GML: variants seen among roughly 807,000 people sequenced by gnomAD.
GML encodes glycosylphosphatidylinositol anchored molecule like, also known as glycosyl-phosphatidylinositol-anchored molecule-like protein.
A neutral mutation model predicts 8.2 loss-of-function variants in GML; 5 were observed. That is an observed-to-expected ratio of 0.61 (90% CI 0.32 to 1.28). The LOEUF (loss-of-function observed/expected upper bound fraction) is 1.28. Among genes scored for constraint, GML ranks in the 50% most tolerant of loss-of-function variants. GML has a pLI of 0.06. For missense variants in GML, 191 were observed against 198.3 expected (o/e 0.96, Z 0.22); for synonymous variants, 72 against 69.0 (o/e 1.04, Z -0.22).
At chr8:142,839,052 G>T (rs1311683627) in intron 1 of GML, among the ~76,000 whole-genome samples, 1 of 152,228 alleles carries the variant, frequency 6.6e-6, no homozygotes, top group Non-Finnish European at 1.5e-5. Context: ...GGGCCTCAGT[G>T]TACATGCTCT....
At chr8:142,839,484 G>T (rs1324513874) in intron 1 of GML, among the ~76,000 whole-genome samples, 1 of 152,204 alleles carries the variant, frequency 6.6e-6, no homozygotes, top group African/African-American at 2.4e-5. Context: ...AGCCCCAGCT[G>T]CTCCTGCGGT....
At chr8:142,842,294 G>T (rs1816444618) in intron 3 of GML, among the ~76,000 whole-genome samples, 2 of 152,108 alleles carry the variant, frequency 1.3e-5, no homozygotes, top group African/African-American at 4.8e-5. Context: ...TTTATAAATT[G>T]CCCAGTCTCG....
intron 3 of GML, 92 bp from the exon 4 acceptor site, chr8:142,846,303 C>A: frequency 1.3e-6 from 1 of 767,716 alleles, no homozygotes; most frequent in South Asian, 1.7e-5. Context: ...GTACATGGAG[C>A]TAATTATGGT....
chr8:142,835,277 C>CTT (rs1379799588), intron 1 of GML, among the ~76,000 whole-genome samples: 1 of 122,400 alleles, frequency 8.2e-6, no homozygotes, highest in African/African-American at 3.2e-5. Context: ...ACTCCGCTTC[C>CTT]CTGGGGCCCC....
rs1816503068 is a variant in GML, at chr8:142,846,339, T to G, written c.182-56T>G. 2.6e-6 allele frequency: 3 copies of G among 1,172,142 alleles called. No individual in the cohort carries two copies. The Admixed American group carries it at 5.4e-5, about 21-fold the overall frequency. The allele number at this position is 1,172,142 out of a possible 1,614,324, so 72.6% of individuals were successfully genotyped here. On this transcript the variant is annotated intron_variant, in intron 3 of 3. Coordinates refer to ENST00000220940, the MANE Select transcript of GML (RefSeq NM_002066.3). ...TGAATGTGAGGTGTATGTGCCTCAA[T>G]ATTTACAAGCAGAAAATGTGAAATC...
At chr8:142,835,730 C>T (rs1337465143) in intron 1 of GML, among the ~76,000 whole-genome samples, 2 of 152,186 alleles carry the variant, frequency 1.3e-5, no homozygotes, top group Admixed American at 1.3e-4. Context: ...TTGCTTAATG[C>T]CACCATAGTC....
At chr8:142,840,624 G>A (rs1035691907) in intron 2 of GML, 114 bp downstream of exon 2, 9 of 748,504 alleles carry the variant, frequency 1.2e-5, no homozygotes, top group Non-Finnish European at 2.1e-5. Flanking sequence ...GCTGGGGCCT[G>A]CATTGTCTGT....
At chr8:142,837,843 C>G (rs1344677560) in intron 1 of GML, among the ~76,000 whole-genome samples, 2 of 147,302 alleles carry the variant, frequency 1.4e-5, no homozygotes, top group African/African-American at 5.1e-5. Context: ...CCTTCTCTGA[C>G]TCCCCAGGGT....
intron 3 of GML, among the ~76,000 whole-genome samples, chr8:142,841,792 A>G (rs1816438495): frequency 6.6e-6 from 1 of 152,200 alleles, no homozygotes; most frequent in South Asian, 2.1e-4. Context: ...CCAGAGGCCC[A>G]GTGACCAATG....
intron 3 of GML, among the ~76,000 whole-genome samples, chr8:142,844,388 T>G (rs1816477251): frequency 6.6e-6 from 1 of 152,242 alleles, no homozygotes; most frequent in South Asian, 2.1e-4. Context: ...TTATGACTTT[T>G]AGGAATTAAG....
At chr8:142,836,233 T>C (rs1413987420) in intron 1 of GML, among the ~76,000 whole-genome samples, 1 of 152,256 alleles carries the variant, frequency 6.6e-6, no homozygotes, top group African/African-American at 2.4e-5. Flanking sequence ...AGGGTGGGAC[T>C]GAGCCCTTCA....
In GML at chr8:142,844,669, C is replaced by G. The variant is rs191318952; in HGVS notation, c.182-1726C>G. Among the ~76,000 whole-genome samples, 4 of 152,332 alleles carry G rather than the reference C, an allele frequency of 2.6e-5. No homozygotes were observed. The East Asian group carries it at 7.7e-4, about 29-fold the overall frequency. ...AAGGGAATTTGCCAGAAAATGGTGT[C>G]TGAATGTGTAACATACATAAGAAAA... On this transcript the variant is annotated intron_variant, in intron 3 of 3. Coordinates refer to ENST00000220940, the MANE Select transcript of GML (RefSeq NM_002066.3).
intron 3 of GML, among the ~76,000 whole-genome samples, chr8:142,845,775 C>T (rs1237773852): frequency 6.6e-6 from 1 of 152,154 alleles, no homozygotes; most frequent in Non-Finnish European, 1.5e-5. Flanking sequence ...CGATAACCTT[C>T]ACCAGAGGGC....
intron 3 of GML, among the ~76,000 whole-genome samples, chr8:142,841,818 G>A (rs139509793): frequency 2.6e-5 from 4 of 152,208 alleles, no homozygotes; most frequent in Non-Finnish European, 4.4e-5. Context: ...AGCAGGGAGG[G>A]TGCAGCCAGT....
intron 3 of GML, among the ~76,000 whole-genome samples, chr8:142,846,186 T>C (rs1816501576): frequency 6.6e-6 from 1 of 152,220 alleles, no homozygotes; most frequent in Non-Finnish European, 1.5e-5. Flanking sequence ...GAAAACTATC[T>C]CCAGAAGAAG....
chr8:142,844,182 T>C (rs1181938119), intron 3 of GML, among the ~76,000 whole-genome samples: 2 of 152,186 alleles, frequency 1.3e-5, no homozygotes, highest in Admixed American at 1.3e-4. Flanking sequence ...ATACTTCTGG[T>C]TTCTTGATCT....
chr8:142,841,084 G>A (rs773526580), intron 2 of GML, 34 bp from the exon 3 acceptor site: 17 of 1,003,446 alleles, frequency 1.7e-5, no homozygotes, highest in Middle Eastern at 2.2e-4. Context: ...GCGTAGTGGA[G>A]CAGAAGCCTG....
intron 3 of GML, among the ~76,000 whole-genome samples, chr8:142,843,612 C>G (rs1816467700): frequency 6.6e-6 from 1 of 152,102 alleles, no homozygotes; most frequent in African/African-American, 2.4e-5. Context: ...CTTCAAATAA[C>G]AAATATCTTT....
At chr8:142,837,233 G>T (rs1816354680) in intron 1 of GML, among the ~76,000 whole-genome samples, 1 of 151,870 alleles carries the variant, frequency 6.6e-6, no homozygotes, top group South Asian at 2.1e-4. Context: ...GGTGGAGGTT[G>T]TAGTGAGCCG....
Sources: allele counts gnomAD v4.1 joint callset (sites outside exome capture counted in the v4.1 genomes callset), GRCh38; gene constraint gnomAD v4.1.1; transcripts MANE v1.5; gene names NCBI Gene and HGNC (gene_info 2026-07-23, HGNC 2026-07-21).